The following LRRIQ1 variants were observed in gnomAD, a reference collection of about 807,000 sequenced individuals.
LRRIQ1 encodes leucine-rich repeat- and IQ domain-containing protein 1.
A neutral mutation model predicts 211.9 loss-of-function variants in LRRIQ1; 210 were observed. The observed-to-expected ratio is 0.99, with a 90% CI of 0.89 to 1.11. LRRIQ1 has a LOEUF of 1.11. LRRIQ1 is among the 50% of genes most tolerant of loss of function. The pLI, the probability that LRRIQ1 is intolerant of heterozygous loss-of-function variation, is 0.00. For missense variants in LRRIQ1, 2,136 were observed against 1,939.5 expected, an observed-to-expected ratio of 1.10 and a Z score of -1.90; for synonymous variants, 699 against 650.1, an observed-to-expected ratio of 1.08 and a Z score of -1.14.
chr12:85,105,123 G>A (rs1886675540), intron 14 of LRRIQ1, among the ~76,000 whole-genome samples: 3 of 151,898 alleles, frequency 2.0e-5, no homozygotes, highest in Admixed American at 1.3e-4. Context: ...CTATAAAAAT[G>A]TTTACATATT....
intron 23 of LRRIQ1, among the ~76,000 whole-genome samples, chr12:85,156,354 A>G (rs2174754): frequency 0.28 from 41,889 of 151,500 alleles, 5,927 homozygotes; most frequent in Admixed American, 0.33. Context: ...AACATTAAAG[A>G]GAGGATTAAT....
intron 23 of LRRIQ1, among the ~76,000 whole-genome samples, chr12:85,160,411 T>C (rs1287809242): frequency 6.6e-6 from 1 of 152,072 alleles, no homozygotes; most frequent in Non-Finnish European, 1.5e-5. Flanking sequence ...TATTGGCTAT[T>C]TGTTTAATCA....
chr12:85,064,100 C>T (rs1315200716), intron 8 of LRRIQ1, among the ~76,000 whole-genome samples: 2 of 151,846 alleles, frequency 1.3e-5, no homozygotes, highest in African/African-American at 4.8e-5. Context: ...TTTGAGGAAT[C>T]TCCAAACTGT....
At chr12:85,181,378 G>T (rs1283737795) in intron 24 of LRRIQ1, among the ~76,000 whole-genome samples, 2 of 151,712 alleles carry the variant, frequency 1.3e-5, no homozygotes, top group Non-Finnish European at 2.9e-5. Flanking sequence ...GTGAGTCTAG[G>T]ATCTAATTTT....
In LRRIQ1 at chr12:85,072,895, C is replaced by T. The variant is rs181953283; in HGVS notation, c.2696-12C>T. ...CTTATATATTTGGTCTTAATTCTGT[C>T]ATCCTACTCAGGATATTCCTTCTTT... On this transcript the variant is annotated splice_polypyrimidine_tract_variant and intron_variant, in intron 10 of 26. Transcript: ENST00000393217. 139 of 1,587,636 alleles carry T rather than the reference C, an allele frequency of 8.8e-5. No individual in the cohort carries two copies. In the East Asian group the frequency reaches 1.0e-3, roughly 12 times the overall value.
intron 15 of LRRIQ1, among the ~76,000 whole-genome samples, chr12:85,115,955 C>T (rs972936943): frequency 2.0e-5 from 3 of 152,112 alleles, no homozygotes; most frequent in African/African-American, 7.2e-5. Flanking sequence ...CATAGAAGCC[C>T]AGTGTCTCTA....
At chr12:85,256,457 G>T (rs998571831) in intron 1 of LRRIQ1, among the ~76,000 whole-genome samples, 35 of 151,582 alleles carry the variant, frequency 2.3e-4, no homozygotes, top group African/African-American at 8.2e-4. Flanking sequence ...AAATGCATTT[G>T]TCGAATGAAT....
downstream of LRRIQ1, among the ~76,000 whole-genome samples, chr12:85,249,472 G>A (rs1381350675): frequency 6.6e-6 from 1 of 151,726 alleles, no homozygotes; most frequent in Non-Finnish European, 1.5e-5. Context: ...ATTCCACACT[G>A]TGTGAACTCA....
intron 24 of LRRIQ1, among the ~76,000 whole-genome samples, chr12:85,216,176 C>T (rs768958445): frequency 2.0e-5 from 3 of 152,116 alleles, no homozygotes; most frequent in Non-Finnish European, 1.5e-5. Context: ...CTCCTACCCC[C>T]GCACCCCCTG....
chr12:85,270,449 C>T, the LRRIQ1 span, among the ~76,000 whole-genome samples: 1 of 152,028 alleles, frequency 6.6e-6, no homozygotes, highest in South Asian at 2.1e-4. Flanking sequence ...ATGCAGTACA[C>T]ACACCCCAGG....
chr12:85,078,459 A>G (rs1404991561), intron 11 of LRRIQ1, among the ~76,000 whole-genome samples: 1 of 152,134 alleles, frequency 6.6e-6, no homozygotes, highest in Non-Finnish European at 1.5e-5. Flanking sequence ...TTCAGAACCT[A>G]TATATTTTTG....
At chr12:85,123,864 T>A (rs1507209) in intron 16 of LRRIQ1, among the ~76,000 whole-genome samples, 90,670 of 151,972 alleles carry the variant, frequency 0.6, 29,341 homozygotes, top group African/African-American at 0.86. Context: ...GGACTGATGG[T>A]TCTAAATTAA....
At chr12:85,162,095 G>A (rs1046057834) in intron 24 of LRRIQ1, among the ~76,000 whole-genome samples, 1 of 151,830 alleles carries the variant, frequency 6.6e-6, no homozygotes, top group Admixed American at 6.6e-5. Flanking sequence ...AACAAGTGTG[G>A]GAAATTATTT....
At chr12:85,217,508 ATGTG>A (rs370971727) in intron 24 of LRRIQ1, among the ~76,000 whole-genome samples, 1,194 of 64,122 alleles carry the variant, frequency 0.019, 18 homozygotes, top group Middle Eastern at 0.032. Context: ...ATATATATAT[ATGTG>A]TGTGTGTGTG....
chr12:85,203,113 T>C (rs1008104365), intron 24 of LRRIQ1, among the ~76,000 whole-genome samples: 17 of 152,104 alleles, frequency 1.1e-4, no homozygotes, highest in African/African-American at 4.1e-4. Flanking sequence ...TCCCCCATAG[T>C]GTTCTCGTGG....
intron 8 of LRRIQ1, among the ~76,000 whole-genome samples, chr12:85,059,797 A>G (rs1417866779): frequency 1.3e-5 from 2 of 151,912 alleles, no homozygotes; most frequent in Non-Finnish European, 2.9e-5. Context: ...GTATACCTAT[A>G]TAACAAAACC....
chr12:85,263,017 G>A (rs910534632), exon 2 of LRRIQ1: 1 of 987,836 alleles, frequency 1.0e-6, no homozygotes, highest in African/African-American at 1.7e-5. Context: ...CAACTCAGTG[G>A]TGGATGGGGA....
At chr12:85,184,181 A>C (rs1308567664) in intron 24 of LRRIQ1, among the ~76,000 whole-genome samples, 1 of 152,070 alleles carries the variant, frequency 6.6e-6, no homozygotes, top group Admixed American at 6.6e-5. Context: ...TCTTTCTTTT[A>C]AAGTGGAGTA....
At chr12:85,045,988 C>G (rs754777002) in intron 4 of LRRIQ1, 32 bp from the exon 5 acceptor site, 1 of 1,252,456 alleles carries the variant, frequency 8.0e-7, no homozygotes, top group East Asian at 2.3e-5. Context: ...TTTTGATTTT[C>G]TTTAATCATT....
Sources: gnomAD v4.1 joint callset for allele counts (sites outside exome capture counted in the v4.1 genomes callset) on GRCh38, gnomAD v4.1.1 for gene constraint, MANE v1.5 for transcripts, NCBI Gene and HGNC (gene_info 2026-07-23, HGNC 2026-07-21) for gene names.